RER1: variants seen among roughly 807,000 people sequenced by gnomAD.
RER1 encodes protein RER1.
A neutral mutation model predicts 28.3 loss-of-function variants in RER1; 6 were observed. The ratio of observed to expected loss-of-function variants is 0.21; its 90% CI spans 0.12 to 0.42. The LOEUF (loss-of-function observed/expected upper bound fraction) is 0.42, where lower values mean the gene tolerates loss of function less well. RER1 is among the 10% of genes least tolerant of loss of function. The pLI, the probability that RER1 is intolerant of heterozygous loss-of-function variation, is 1.00. For missense variants in RER1, 159 were observed against 252.9 expected, an observed-to-expected ratio of 0.63 and a Z score of 2.52; for synonymous variants, 110 against 95.9, an observed-to-expected ratio of 1.15 and a Z score of -0.86.
At chr1:2,395,656 C>T in intron 1 of RER1, 128 bp from the exon 2 acceptor site, 1 of 712,908 alleles carries the variant, frequency 1.4e-6, no homozygotes, top group Middle Eastern at 3.4e-4. Context: ...ATGGTAAAAA[C>T]ACAAATGGTA....
In RER1 at chr1:2,401,996, A is replaced by G. The variant is rs901251886; in HGVS notation, c.366-211A>G. On this transcript the variant is annotated intron_variant, in intron 5 of 6. Coordinates refer to ENST00000605895, the MANE Select transcript of RER1 (RefSeq NM_007033.5). ...GAAGAATTGTGTCTTTCAAGGGAGT[A>G]AGAGAAGGATGTTTCTGTGGTTAGG... is the stretch of plus-strand genomic sequence containing the variant. The G allele has an allele frequency of 4.7e-6, 7 of 1,486,348 alleles. No homozygotes were observed. The African/African-American group carries it at 7.0e-5, about 15-fold the overall frequency. 92.1% of individuals were successfully genotyped at this position (1,486,348 alleles called of 1,614,324 possible).
rs146575645 is a variant in RER1 at position 2,394,757 on chromosome 1, G to C, written c.-7-1027G>C. On this transcript the variant is annotated intron_variant, in intron 1 of 6. Coordinates refer to ENST00000605895, the MANE Select transcript of RER1 (RefSeq NM_007033.5). ...GGACTTTAAGCCAAACTTGAGACCAGAGTCTGTTTCTCCTCACTGCCCTGC... is the reference window on the plus strand; with the variant it reads ...GGACTTTAAGCCAAACTTGAGACCACAGTCTGTTTCTCCTCACTGCCCTGC... 7.7e-4 allele frequency: 117 copies of C among 152,364 alleles called. 1 individual carries two copies. The highest frequency in any genetic ancestry group is 2.7e-3 in the African/African-American group (111 of 41,574). 9.4% of individuals were successfully genotyped at this position (152,364 alleles called of 1,614,324 possible).
chr1:2,403,755 T>TTTGA lies in RER1; in HGVS notation c.*632_*635dup, dbSNP rs1642911601. 2.0e-5 allele frequency: 3 copies of TTTGA among 152,604 alleles called. No homozygotes were observed. The highest frequency in any genetic ancestry group is 2.0e-4 in the Admixed American group (3 of 15,284). The allele number at this position is 152,604 out of a possible 1,614,324, so 9.5% of individuals were successfully genotyped here. The stretch of plus-strand genomic sequence containing the variant: ...ATAAATATATATTATATTTTAATTG[T>TTTGA]TTGAGATTATTTTGACACATTTCTT... On this transcript the variant is annotated 3_prime_UTR_variant, in exon 7 of 7. Transcript: ENST00000605895.
rs1176736626 is a variant in RER1, at chr1:2,404,739, G to A, written c.*1615G>A. 6.6e-6 allele frequency: 1 copy of A among 152,320 alleles called. No individual in the cohort carries two copies. The highest frequency in any genetic ancestry group is 1.5e-5 in the Non-Finnish European group (1 of 68,056). The allele number at this position is 152,320 out of a possible 1,614,324, so 9.4% of individuals were successfully genotyped here. On this transcript the variant is annotated 3_prime_UTR_variant, in exon 7 of 7. Coordinates refer to ENST00000605895, the MANE Select transcript of RER1 (RefSeq NM_007033.5). Reference sequence around the variant, plus strand: ...AGGTGTTTTACGTCAGCAGGGAAATGTGGCACACGCCCTCGAGGCATTTTA... The same window carrying A: ...AGGTGTTTTACGTCAGCAGGGAAATATGGCACACGCCCTCGAGGCATTTTA...
chr1:2,397,409 C>T (rs771110530), intron 3 of RER1, among the ~76,000 whole-genome samples, 189 bp downstream of exon 3: 19 of 152,214 alleles, frequency 1.2e-4, no homozygotes, highest in South Asian at 2.1e-4. Flanking sequence ...ATGATTCACC[C>T]GGAGTCGCCT....
At chr1:2,397,515 C>G (rs1164993178) in intron 3 of RER1, among the ~76,000 whole-genome samples, 1 of 151,670 alleles carries the variant, frequency 6.6e-6, no homozygotes, top group African/African-American at 2.4e-5. Flanking sequence ...TGGTGTCCCT[C>G]CGACCCTGCT....
At chr1:2,399,046 C>T (rs1029070464) in intron 3 of RER1, among the ~76,000 whole-genome samples, 2 of 152,116 alleles carry the variant, frequency 1.3e-5, no homozygotes, top group Non-Finnish European at 2.9e-5. Context: ...GCTCAGGTGC[C>T]CGGGCCACCC....
At position 2,395,453 on chromosome 1, in the gene RER1, G is replaced by A. The variant is rs192875573; in HGVS notation, c.-7-331G>A. On this transcript the variant is annotated intron_variant, in intron 1 of 6. Transcript: ENST00000605895. ...GAGGACATGCAGTGCCACGTGCCAT[G>A]GACCAGCCAGTGGACCCCATGGCCA... The A allele has an allele frequency of 1.1e-4, 37 of 351,848 alleles. 1 individual carries two copies. In the East Asian group the frequency reaches 2.4e-3, roughly 23 times the overall value. The allele number at this position is 351,848 out of a possible 1,614,324, so 21.8% of individuals were successfully genotyped here.
At position 2,395,565 on chromosome 1, in the gene RER1, G is replaced by C. The variant is rs79736425; in HGVS notation, c.-7-219G>C. The C allele has an allele frequency of 6.8e-4, 371 of 543,580 alleles. 1 individual carries two copies. Among genetic ancestry groups the C allele is most frequent in the African/African-American group, 5.9e-3 (311 of 52,826 alleles). 33.7% of individuals were successfully genotyped at this position (543,580 alleles called of 1,614,324 possible). ...CAGTGTGGGAATGAAAATGCGGCCT[G>C]TGCTCCTGGGCCCATGCGTCTCACG... On this transcript the variant is annotated intron_variant, in intron 1 of 6. Transcript: ENST00000605895.
chr1:2,395,324 C>T (rs1467566236), intron 1 of RER1: 1 of 189,348 alleles, frequency 5.3e-6, no homozygotes, highest in Non-Finnish European at 1.1e-5. Context: ...GACAGGATCC[C>T]TCCTGCTCCT....
intron 1 of RER1, chr1:2,395,497 C>A: frequency 2.4e-6 from 1 of 409,540 alleles, no homozygotes; most frequent in South Asian, 2.3e-5. Context: ...GCTCCTGGGG[C>A]CAGTGGGGTG....
chr1:2,398,887 G>C (rs1458317086), intron 3 of RER1, among the ~76,000 whole-genome samples: 2 of 152,188 alleles, frequency 1.3e-5, no homozygotes, highest in Non-Finnish European at 1.5e-5. Context: ...ATTTCTTCTG[G>C]GCAAAGGTTT....
intron 1 of RER1, chr1:2,393,267 C>A: frequency 6.6e-6 from 1 of 152,174 alleles, no homozygotes; most frequent in Non-Finnish European, 1.5e-5. Context: ...AATGGACTTC[C>A]AGGTGGCAGG....
At chr1:2,402,639 G>T (rs1570087219) in intron 6 of RER1, among the ~76,000 whole-genome samples, 2 of 152,230 alleles carry the variant, frequency 1.3e-5, no homozygotes, top group East Asian at 3.9e-4. Flanking sequence ...AGGGTGCCCA[G>T]TGCCCCGCGC....
At chr1:2,400,729 C>A in intron 4 of RER1, 128 bp from the exon 5 acceptor site, 2 of 785,000 alleles carry the variant, frequency 2.5e-6, no homozygotes, top group Non-Finnish European at 4.4e-6. Context: ...CTCGTTTTCT[C>A]TGGTTAAATG....
At chr1:2,399,846 G>T (rs1642819515) in intron 4 of RER1, among the ~76,000 whole-genome samples, 4 of 152,226 alleles carry the variant, frequency 2.6e-5, no homozygotes, top group Non-Finnish European at 5.9e-5. Context: ...CCAGTCAGTG[G>T]TCCCTCTCAG....
chr1:2,395,779 C>T lies in RER1; in HGVS notation c.-7-5C>T, dbSNP rs1454825768. ...ACTGAAAAGTATTTTGTGTTTTTCT[C>T]CCAGTTACAGAATGTCTGAAGGGGA... is the stretch of plus-strand genomic sequence containing the variant. On this transcript the variant is annotated splice_polypyrimidine_tract_variant and splice_region_variant and intron_variant, in intron 1 of 6. Transcript: ENST00000605895. The T allele has an allele frequency of 5.6e-6, 9 of 1,605,772 alleles. No homozygotes were observed. Among genetic ancestry groups the T allele is most frequent in the Non-Finnish European group, 7.7e-6 (9 of 1,172,538 alleles).
At chr1:2,400,029 G>A (rs1468287006) in intron 4 of RER1, among the ~76,000 whole-genome samples, 3 of 152,234 alleles carry the variant, frequency 2.0e-5, no homozygotes, top group Non-Finnish European at 4.4e-5. Context: ...AGTGTTCCTG[G>A]TGCTTCGTGC....
At chr1:2,397,272 G>C (rs776636189) in intron 3 of RER1, 52 bp downstream of exon 3, 1 of 1,226,298 alleles carries the variant, frequency 8.2e-7, no homozygotes, top group Non-Finnish European at 1.2e-6. Context: ...TTACCTGGGC[G>C]TGATGTTTGT....
Sources: allele counts gnomAD v4.1 joint callset (sites outside exome capture counted in the v4.1 genomes callset), GRCh38; gene constraint gnomAD v4.1.1; transcripts MANE v1.5; gene names NCBI Gene and HGNC (gene_info 2026-07-23, HGNC 2026-07-21).